The following P3H4 variants were observed in gnomAD, a reference collection of about 807,000 sequenced individuals.
The protein encoded by P3H4 is prolyl 3-hydroxylase family member 4 (inactive), also known as endoplasmic reticulum protein SC65.
P3H4 carries 47 observed loss-of-function variants against 52.9 expected under a neutral mutation model. That is an observed-to-expected ratio of 0.89 (90% CI 0.70 to 1.13). The LOEUF is 1.13. P3H4 is among the 50% of genes most tolerant of loss of function. The probability of loss-of-function intolerance (pLI) is 0.00; values close to 1 mark genes in which losing one functional copy is unlikely to be tolerated. For synonymous variants in P3H4, 256 were observed against 267.9 expected (o/e 0.96, Z 0.44); for missense variants, 585 against 611.0 (o/e 0.96, Z 0.45).
rs1555614942 is a variant in P3H4 at position 41,810,998 on chromosome 17, C to T, written c.652G>A (p.Gly218Arg). 3 of 1,614,142 alleles carry T rather than the reference C, an allele frequency of 1.9e-6. No homozygotes were observed. Among genetic ancestry groups the T allele is most frequent in the East Asian group, 2.2e-5 (1 of 44,870 alleles). Residue 218 changes from glycine (G) to arginine (R), a missense_variant, in exon 3 of 8, where the codon GGG becomes AGG. By Grantham distance (125) the Gly-to-Arg change is moderately radical. Transcript: ENST00000393928. ...TCCTCCGTGCTGCTGCGGAAATCCC[C>T]GCTGTTGTAGAGCTTCACAGCCCGG... ...FLRAVKLYNS[G>R]DFRSSTEDME... is the part of the protein sequence containing the mutation.
rs1555614939 is a variant in P3H4 at position 41,810,995 on chromosome 17, C to T, written c.655G>A (p.Asp219Asn). 19 of 1,614,050 alleles carry T rather than the reference C, an allele frequency of 1.2e-5. No homozygotes were observed. The East Asian group carries it at 3.3e-4, about 28-fold the overall frequency. ...ATGTCCTCCGTGCTGCTGCGGAAAT[C>T]CCCGCTGTTGTAGAGCTTCACAGCC... ...LRAVKLYNSG[D>N]FRSSTEDMER... Residue 219 changes from aspartate to asparagine, a missense_variant, in exon 3 of 8, where the codon GAT becomes AAT. Coordinates refer to ENST00000393928, the MANE Select transcript of P3H4 (RefSeq NM_006455.3).
intron 5 of P3H4, 155 bp from the exon 6 acceptor site, chr17:41,807,034 T>C (rs141793260): frequency 1.6e-6 from 1 of 616,478 alleles, no homozygotes; most frequent in African/African-American, 1.8e-5. Flanking sequence ...TCATCGTGGC[T>C]GCTTGGAACA....
intron 6 of P3H4, among the ~76,000 whole-genome samples, chr17:41,806,227 A>AAAT (rs1567848118): frequency 1.2e-4 from 18 of 152,044 alleles, no homozygotes; most frequent in East Asian, 3.9e-4. Flanking sequence ...TCAAAAAAAA[A>AAAT]AAATAAATAA....
chr17:41,809,836 T>C lies in P3H4; in HGVS notation c.788-2A>G. The C allele has an allele frequency of 6.2e-7, 1 of 1,609,910 alleles. No individual in the cohort carries two copies. Among genetic ancestry groups the C allele is most frequent in the Non-Finnish European group, 8.5e-7 (1 of 1,177,230 alleles). On this transcript the variant is annotated splice_acceptor_variant, in intron 3 of 7. Coordinates refer to ENST00000393928, the MANE Select transcript of P3H4 (RefSeq NM_006455.3). LOFTEE classifies it high-confidence loss of function. The stretch of plus-strand genomic sequence containing the variant: ...ACTGCAGGGACTCTGCAAAGAGATC[T>C]GAGGGTGGGAGGCAGCAGTGAGAGG...
At position 41,811,818 on chromosome 17, in the gene P3H4, A is replaced by G; in HGVS notation, c.98T>C (p.Leu33Pro). Residue 33 changes from leucine (L) to proline (P), a missense_variant, in exon 1 of 8, where the codon CTG becomes CCG. Physicochemically the swap from Leu to Pro is moderately conservative, Grantham distance 98. Coordinates refer to ENST00000393928, the MANE Select transcript of P3H4 (RefSeq NM_006455.3). This position sits in a 1 kb window ranked among gnomAD's most constrained non-coding sequence, Gnocchi z 4.8. ...YSFRGFPPED[L>P]MPLAAAYGHA... ...CCCGTACGCCGCGGCCAGCGGCATCAGGTCCTCGGGCGGGAAGCCCCGGAA... is the reference window on the plus strand; with the variant it reads ...CCCGTACGCCGCGGCCAGCGGCATCGGGTCCTCGGGCGGGAAGCCCCGGAA... The G allele has an allele frequency of 6.5e-7, 1 of 1,537,590 alleles. No homozygotes were observed. The highest frequency in any genetic ancestry group is 8.7e-7 in the Non-Finnish European group (1 of 1,153,494).
At chr17:41,806,702 G>T in intron 6 of P3H4, 94 bp downstream of exon 6, 1 of 1,020,970 alleles carries the variant, frequency 9.8e-7, no homozygotes. Context: ...TGACCACCAG[G>T]GGCTGGGGCT....
intron 6 of P3H4, among the ~76,000 whole-genome samples, chr17:41,804,994 G>A (rs8064555): frequency 0.54 from 81,288 of 150,590 alleles, 22,128 homozygotes; most frequent in Middle Eastern, 0.67. Context: ...AAAGAAAAAT[G>A]CATACTTGAG....
intron 6 of P3H4, among the ~76,000 whole-genome samples, chr17:41,804,560 G>A (rs868915791): frequency 6.6e-6 from 1 of 152,126 alleles, no homozygotes; most frequent in Admixed American, 6.5e-5. Flanking sequence ...CCTGGGAGGC[G>A]GAAGTTGCAA....
chr17:41,802,962 C>A lies in P3H4; in HGVS notation c.1309G>T (p.Ala437Ser), dbSNP rs532282174. The change falls in exon 8 of 8, where the codon GCA becomes TCA. Residue 437 changes from alanine to serine, a missense_variant. Ala to Ser is a moderately conservative substitution (Grantham distance 99, BLOSUM62 1). Transcript: ENST00000393928. ...CGGTGTGGGGTGTCCCCTTCTCATGCGAGTTCAGGCTCTGGCTCTGAAAAG... is the reference window on the plus strand; with the variant it reads ...CGGTGTGGGGTGTCCCCTTCTCATGAGAGTTCAGGCTCTGGCTCTGAAAAG... ...EAEAEPEPEL[A>S] 3 of 1,611,162 alleles carry A rather than the reference C, an allele frequency of 1.9e-6. No homozygotes were observed. The highest frequency in any genetic ancestry group is 1.3e-5 in the African/African-American group (1 of 74,768).
intron 4 of P3H4, 141 bp downstream of exon 4, chr17:41,809,565 C>T (rs1427521938): frequency 9.0e-6 from 9 of 1,003,620 alleles, no homozygotes; most frequent in Non-Finnish European, 1.3e-5. Flanking sequence ...CCCCATATTC[C>T]CACCACCCCT....
chr17:41,803,262 C>A (rs782618313), intron 7 of P3H4, 25 bp downstream of exon 7: 1 of 1,600,776 alleles, frequency 6.2e-7, no homozygotes. Context: ...TGCATCCCCA[C>A]CCCCCAAGGA....
chr17:41,811,830 G>A lies in P3H4; in HGVS notation c.86C>T (p.Pro29Leu), dbSNP rs1175435542. ...QYEKYSFRGF[P>L]PEDLMPLAAA... is the part of the protein sequence containing the mutation. Reference sequence around the variant, plus strand: ...GGCCAGCGGCATCAGGTCCTCGGGCGGGAAGCCCCGGAAGCTGTACTTCTC... The same window carrying A: ...GGCCAGCGGCATCAGGTCCTCGGGCAGGAAGCCCCGGAAGCTGTACTTCTC... Residue 29 changes from proline to leucine, a missense_variant, in exon 1 of 8, where the codon CCG becomes CTG. Pro to Leu is a moderately conservative substitution (Grantham distance 98, BLOSUM62 -3). Coordinates refer to ENST00000393928, the MANE Select transcript of P3H4 (RefSeq NM_006455.3). This position sits in a 1 kb window ranked among gnomAD's most constrained non-coding sequence, Gnocchi z 4.8. 1.3e-6 allele frequency: 2 copies of A among 1,545,466 alleles called. No individual in the cohort carries two copies. Among genetic ancestry groups the A allele is most frequent in the African/African-American group, 1.4e-5 (1 of 70,786 alleles).
intron 6 of P3H4, among the ~76,000 whole-genome samples, chr17:41,805,078 G>C (rs2047659437): frequency 6.6e-6 from 1 of 152,006 alleles, no homozygotes; most frequent in Non-Finnish European, 1.5e-5. Flanking sequence ...AAGGTCAGGA[G>C]ATCGAGACCA....
intron 6 of P3H4, among the ~76,000 whole-genome samples, chr17:41,806,379 T>G (rs2047674547): frequency 6.6e-6 from 1 of 152,198 alleles, no homozygotes; most frequent in African/African-American, 2.4e-5. Flanking sequence ...AATGTGGCCC[T>G]GTGTCCTGCA....
chr17:41,811,826 G>C lies in P3H4; in HGVS notation c.90C>G (p.Pro30=), dbSNP rs2047744098. The C allele has an allele frequency of 1.9e-6, 3 of 1,540,972 alleles. No homozygotes were observed. Among genetic ancestry groups the C allele is most frequent in the Non-Finnish European group, 1.7e-6 (2 of 1,154,954 alleles). Residue 30 remains proline (P), a synonymous_variant, in exon 1 of 8, where the codon CCC becomes CCG. Coordinates refer to ENST00000393928, the MANE Select transcript of P3H4 (RefSeq NM_006455.3). This position sits in a 1 kb window ranked among gnomAD's most constrained non-coding sequence, Gnocchi z 4.8. ...CCGCGGCCAGCGGCATCAGGTCCTC[G>C]GGCGGGAAGCCCCGGAAGCTGTACT... is the stretch of plus-strand genomic sequence containing the variant. The part of the protein sequence containing the change: ...YEKYSFRGFP[P]EDLMPLAAAY...
At position 41,810,389 on chromosome 17, in the gene P3H4, G is replaced by A. The variant is rs574452162; in HGVS notation, c.787+474C>T. Among the ~76,000 whole-genome samples the A allele has an allele frequency of 5.3e-5, 8 of 152,056 alleles. No homozygotes were observed. In the South Asian group the frequency reaches 1.7e-3, roughly 32 times the overall value. ...GGGTTTCACCATGTTGGTCAGGCTGGTCTTGAACTCCTGACCTCGTGATCT... is the reference window on the plus strand; with the variant it reads ...GGGTTTCACCATGTTGGTCAGGCTGATCTTGAACTCCTGACCTCGTGATCT... On this transcript the variant is annotated intron_variant, in intron 3 of 7. Transcript: ENST00000393928.
In P3H4 at chr17:41,806,881, TGGAAGGAG is replaced by T; in HGVS notation, c.1063-10_1063-3del. ...CTGGTTGTGGTAGAGCATGGCCTCCTGGAAGGAGGGAAGGACGGGGTGGGGGGTGAGCC... is the reference window on the plus strand; with the variant it reads ...CTGGTTGTGGTAGAGCATGGCCTCCTGGAAGGACGGGGTGGGGGGTGAGCC... On this transcript the variant is annotated splice_polypyrimidine_tract_variant and splice_region_variant and intron_variant, in intron 5 of 7. Transcript: ENST00000393928. 6.2e-7 allele frequency: 1 copy of T among 1,612,960 alleles called. No individual in the cohort carries two copies. The highest frequency in any genetic ancestry group is 8.5e-7 in the Non-Finnish European group (1 of 1,179,536).
intron 6 of P3H4, among the ~76,000 whole-genome samples, chr17:41,805,791 G>A (rs533875724): frequency 2.5e-4 from 38 of 152,128 alleles, no homozygotes; most frequent in Non-Finnish European, 4.7e-4. Flanking sequence ...GGGTGCTGAC[G>A]GTGTAGATTC....
At chr17:41,809,990 AG>A (rs2144027461) in intron 3 of P3H4, among the ~76,000 whole-genome samples, 156 bp from the exon 4 acceptor site, 1 of 152,096 alleles carries the variant, frequency 6.6e-6, no homozygotes, top group African/African-American at 2.4e-5. Flanking sequence ...ATGTCTGTAA[AG>A]TGCTTGGCAT....
Sources: allele counts gnomAD v4.1 joint callset (sites outside exome capture counted in the v4.1 genomes callset), GRCh38; gene constraint gnomAD v4.1.1; non-coding constraint Gnocchi (gnomAD v3.1); transcripts MANE v1.5; gene names NCBI Gene and HGNC (gene_info 2026-07-23, HGNC 2026-07-21).